Variants in CFAP54 observed in about 807,000 individuals in gnomAD.
CFAP54 encodes cilia and flagella associated protein 54.
In CFAP54, 290 loss-of-function variants were observed where a neutral mutation model predicts 370.4. The observed-to-expected ratio is 0.78, with a 90% CI of 0.71 to 0.86. CFAP54 has a LOEUF of 0.86. Among genes scored for constraint, CFAP54 ranks in the 40% least tolerant of loss-of-function variants. The pLI, the probability that CFAP54 is intolerant of heterozygous loss-of-function variation, is 0.00. For synonymous variants in CFAP54, 1,206 were observed against 1,236.5 expected (o/e 0.98, Z 0.52); for missense variants, 3,399 against 3,528.7 (o/e 0.96, Z 0.93).
In CFAP54 at chr12:96,539,064, G is replaced by GTTTTTTTTTTTT. The variant is rs1314197505; in HGVS notation, c.1926+548_1926+559dup. 1.3e-3 allele frequency among the ~76,000 whole-genome samples: 141 copies of GTTTTTTTTTTTT among 111,766 alleles called. 21 individuals are homozygous for GTTTTTTTTTTTT. The highest frequency in any genetic ancestry group is 2.6e-3 in the East Asian group (8 of 3,134). The allele number at this position is 111,766 out of a possible 152,430, so 73.3% of individuals were successfully genotyped here. A position where few individuals can be genotyped will look rare whatever the true frequency, so the allele number is the denominator to read the frequency against. On this transcript the variant is annotated intron_variant, in intron 13 of 67. Transcript: ENST00000524981. ...GAGCCACCACGCCCGGCCTTTTCAG[G>GTTTTTTTTTTTT]TTTTTTTTTTTTTGTTTTTGTTTTT...
intron 46 of CFAP54, among the ~76,000 whole-genome samples, chr12:96,700,830 T>C (rs550837146): frequency 1.3e-5 from 2 of 152,084 alleles, no homozygotes; most frequent in South Asian, 4.2e-4. Flanking sequence ...GCAAGTCAGT[T>C]TGCCTGGGAG....
intron 50 of CFAP54, among the ~76,000 whole-genome samples, chr12:96,736,828 A>G (rs1374268362): frequency 6.6e-6 from 1 of 152,224 alleles, no homozygotes; most frequent in Non-Finnish European, 1.5e-5. Flanking sequence ...TACTAACACT[A>G]TATGGATAGC....
intron 33 of CFAP54, 98 bp downstream of exon 33, chr12:96,644,506 G>T (rs969411651): frequency 1.5e-5 from 13 of 842,314 alleles, no homozygotes; most frequent in Non-Finnish European, 1.8e-5. Flanking sequence ...ACTTAAGGAG[G>T]TTTACAGAGT....
At chr12:96,500,015 G>A (rs1955008431) in intron 1 of CFAP54, among the ~76,000 whole-genome samples, 1 of 151,828 alleles carries the variant, frequency 6.6e-6, no homozygotes, top group African/African-American at 2.4e-5. Context: ...ATTTCTAGCA[G>A]CCTTATTCAT....
intron 33 of CFAP54, among the ~76,000 whole-genome samples, chr12:96,647,470 C>G (rs1481508946): frequency 4.4e-4 from 7 of 15,848 alleles, no homozygotes; most frequent in Admixed American, 1.0e-3. Context: ...GAGACTCTGT[C>G]CCAAAAAAAA....
chr12:96,580,580 A>C lies in CFAP54; in HGVS notation c.2797-17A>C. On this transcript the variant is annotated splice_polypyrimidine_tract_variant and intron_variant, in intron 20 of 67. Coordinates refer to ENST00000524981, the MANE Select transcript of CFAP54 (RefSeq NM_001306084.2). ...AAAAGAATGCCTTTTAAACAGGCTC[A>C]TTTTTCTCGTCGGCAGGTCTCCTGG... is the stretch of plus-strand genomic sequence containing the variant. 1.4e-6 allele frequency: 2 copies of C among 1,452,442 alleles called. No individual in the cohort carries two copies. The highest frequency in any genetic ancestry group is 1.8e-6 in the Non-Finnish European group (2 of 1,101,924). The allele number at this position is 1,452,442 out of a possible 1,614,324, so 90.0% of individuals were successfully genotyped here.
chr12:96,507,742 C>A (rs990742546), intron 4 of CFAP54, among the ~76,000 whole-genome samples: 3 of 152,148 alleles, frequency 2.0e-5, no homozygotes, highest in African/African-American at 7.2e-5. Context: ...CAAATAACTT[C>A]AAGGAAACAT....
In CFAP54 at chr12:96,679,649, C is replaced by T. The variant is rs749138036; in HGVS notation, c.5613C>T (p.Asp1871=). The T allele has an allele frequency of 6.2e-6, 10 of 1,613,526 alleles. No homozygotes were observed. The highest frequency in any genetic ancestry group is 1.6e-4 in the Middle Eastern group (1 of 6,080). The stretch of plus-strand genomic sequence containing the variant: ...TCTGCGTGCCCGTGGACGTGACAGA[C>T]ACCTTGAGGTGTTTTAGAGAGACAC... ...ALVCVPVDVT[D]TLRCFRETLE... is the part of the protein sequence containing the mutation. The change falls in exon 40 of 68, where the codon GAC becomes GAT. Residue 1871 remains aspartate (D), a synonymous_variant. Coordinates refer to ENST00000524981, the MANE Select transcript of CFAP54 (RefSeq NM_001306084.2).
chr12:96,614,130 C>T (rs1478833869), intron 26 of CFAP54, among the ~76,000 whole-genome samples: 6 of 152,162 alleles, frequency 3.9e-5, no homozygotes, highest in African/African-American at 7.2e-5. Context: ...TGCTGGCAAA[C>T]GGAATCCAGC....
intron 55 of CFAP54, among the ~76,000 whole-genome samples, chr12:96,750,871 G>GT (rs1321942375): frequency 6.6e-6 from 1 of 152,102 alleles, no homozygotes; most frequent in Non-Finnish European, 1.5e-5. Flanking sequence ...AACAACATCA[G>GT]TTTTACAACG....
rs117183743 is a variant in CFAP54, at chr12:96,505,996, C to T, written c.568-932C>T. On this transcript the variant is annotated intron_variant, in intron 3 of 67. Coordinates refer to ENST00000524981, the MANE Select transcript of CFAP54 (RefSeq NM_001306084.2). ...TGAATTGTGTAAATGGTTATAATCA[C>T]ATCTGAATTAATAAATAAGTTAAAA... is the stretch of plus-strand genomic sequence containing the variant. Among the ~76,000 whole-genome samples the T allele has an allele frequency of 2.7e-4, 41 of 152,248 alleles. No individual in the cohort carries two copies. In the East Asian group the frequency reaches 6.4e-3, roughly 24 times the overall value.
intron 67 of CFAP54, among the ~76,000 whole-genome samples, chr12:96,874,835 T>G (rs1277425973): frequency 1.3e-5 from 2 of 151,778 alleles, no homozygotes; most frequent in African/African-American, 2.4e-5. Flanking sequence ...TTCACCTTGG[T>G]CTCGATCTCC....
chr12:96,571,978 T>G (rs1955923354), intron 19 of CFAP54, among the ~76,000 whole-genome samples: 2 of 152,224 alleles, frequency 1.3e-5, no homozygotes, highest in Admixed American at 1.3e-4. Flanking sequence ...ACTTTAATAC[T>G]TCTGTTAACC....
intron 19 of CFAP54, among the ~76,000 whole-genome samples, chr12:96,573,729 T>C (rs1955948339): frequency 6.6e-6 from 1 of 152,244 alleles, no homozygotes; most frequent in African/African-American, 2.4e-5. Flanking sequence ...CCTTGATTCA[T>C]TCATTCAGTG....
intron 67 of CFAP54, among the ~76,000 whole-genome samples, chr12:96,864,124 C>G (rs1592820436): frequency 6.6e-6 from 1 of 151,936 alleles, no homozygotes; most frequent in East Asian, 1.9e-4. Context: ...TTTTAAAGAC[C>G]AAATTACACA....
chr12:96,680,091 C>T (rs927484390), intron 40 of CFAP54, among the ~76,000 whole-genome samples: 7 of 152,170 alleles, frequency 4.6e-5, no homozygotes, highest in Non-Finnish European at 8.8e-5. Context: ...CATAAGTAGA[C>T]GGATTGAATC....
Position 96,688,940 on chromosome 12 carries a change from A to G in CFAP54, c.6039A>G (p.Glu2013=). 6.3e-7 allele frequency: 1 copy of G among 1,583,644 alleles called. No individual in the cohort carries two copies. Among genetic ancestry groups the G allele is most frequent in the South Asian group, 1.2e-5 (1 of 84,646 alleles). ...IAQFIKSLNV[E]KKTDCCILSA... ...GATTTATTAAGTCATTGAATGTTGAAAAGAAAACTGACTGTTGCATTTTGT... is the reference window on the plus strand; with the variant it reads ...GATTTATTAAGTCATTGAATGTTGAGAAGAAAACTGACTGTTGCATTTTGT... Residue 2013 remains glutamate (E), a synonymous_variant, in exon 43 of 68, where the codon GAA becomes GAG. Coordinates refer to ENST00000524981, the MANE Select transcript of CFAP54 (RefSeq NM_001306084.2).
At chr12:96,777,797 T>TA (rs146174350) in intron 60 of CFAP54, among the ~76,000 whole-genome samples, 3,183 of 152,332 alleles carry the variant, frequency 0.021, 106 homozygotes, top group African/African-American at 0.071. Context: ...CCATTAAACT[T>TA]ACCATTGCTT....
intron 26 of CFAP54, among the ~76,000 whole-genome samples, chr12:96,611,102 G>A (rs815877): frequency 2.6e-5 from 4 of 152,078 alleles, no homozygotes; most frequent in Non-Finnish European, 4.4e-5. Context: ...AAGTGGGTCC[G>A]TGACCCCTGA....
Sources: allele counts gnomAD v4.1 joint callset (sites outside exome capture counted in the v4.1 genomes callset), GRCh38; gene constraint gnomAD v4.1.1; transcripts MANE v1.5; gene names NCBI Gene and HGNC (gene_info 2026-07-23, HGNC 2026-07-21).